The following DHRS4 variants were observed in gnomAD, a reference collection of about 807,000 sequenced individuals.
DHRS4 encodes dehydrogenase/reductase 4.
In DHRS4, 20 loss-of-function variants were observed where a neutral mutation model predicts 28.4. The ratio of observed to expected loss-of-function variants is 0.71; its 90% CI spans 0.50 to 1.02. The LOEUF (loss-of-function observed/expected upper bound fraction) is 1.02, where lower values mean the gene tolerates loss of function less well. Among genes scored for constraint, DHRS4 ranks in the 50% least tolerant of loss-of-function variants. The probability of loss-of-function intolerance (pLI) is 0.00; values close to 1 mark genes in which losing one functional copy is unlikely to be tolerated. For synonymous variants in DHRS4, 144 were observed against 146.4 expected, an observed-to-expected ratio of 0.98 and a Z score of 0.12; for missense variants, 378 against 367.2, an observed-to-expected ratio of 1.03 and a Z score of -0.24.
At chr14:23,960,034 G>C in intron 3 of DHRS4, 31 bp downstream of exon 3, 1 of 1,591,088 alleles carries the variant, frequency 6.3e-7, no homozygotes, top group Non-Finnish European at 8.6e-7. Context: ...GGGGGCCGGG[G>C]GGGGCGCCTT....
intron 7 of DHRS4, 40 bp from the exon 8 acceptor site, chr14:23,968,717 T>C (rs1157160387): frequency 2.5e-6 from 4 of 1,603,448 alleles, no homozygotes; most frequent in Non-Finnish European, 2.6e-6. Context: ...GGCAGAACTG[T>C]TTGATTTTTA....
intron 3 of DHRS4, among the ~76,000 whole-genome samples, chr14:23,963,527 C>G (rs1427082326): frequency 2.0e-5 from 3 of 148,870 alleles, no homozygotes; most frequent in African/African-American, 7.6e-5. Flanking sequence ...CTTCACCTCT[C>G]TCAGCCTTCA....
At chr14:23,967,473 G>T (rs778582155) in intron 7 of DHRS4, 1 of 952,176 alleles carries the variant, frequency 1.1e-6, no homozygotes, top group Admixed American at 2.1e-5. Flanking sequence ...CAGAGACATC[G>T]GGGTTTCAGC....
At chr14:23,958,459 CTTG>C (rs1265360664) in intron 2 of DHRS4, among the ~76,000 whole-genome samples, 1 of 152,124 alleles carries the variant, frequency 6.6e-6, no homozygotes, top group Non-Finnish European at 1.5e-5. Context: ...ACTGAAAACC[CTTG>C]TTGGCAGATT....
chr14:23,954,160 T>C (rs2032981008), intron 1 of DHRS4: 1 of 563,228 alleles, frequency 1.8e-6, no homozygotes, highest in Non-Finnish European at 3.1e-6. Context: ...TGCAGCCCTA[T>C]CGATCTAGTC....
At chr14:23,964,836 C>T (rs1305269747) in intron 3 of DHRS4, among the ~76,000 whole-genome samples, 27 of 147,998 alleles carry the variant, frequency 1.8e-4, no homozygotes, top group Non-Finnish European at 2.4e-4. Flanking sequence ...CTTGGCCTCC[C>T]GAAGTGCAGG....
In DHRS4 at chr14:23,965,785, C is replaced by T; in HGVS notation, c.432C>T (p.Ala144=). 6.2e-7 allele frequency: 1 copy of T among 1,605,384 alleles called. No individual in the cohort carries two copies. Among genetic ancestry groups the T allele is most frequent in the Non-Finnish European group, 8.5e-7 (1 of 1,175,148 alleles). ...WDKTLDINVK[A]PALMTKAVVP... is the part of the protein sequence containing the mutation. ...AGACTCTGGACATTAATGTGAAGGC[C>T]CCAGCCCTGATGACAAAGGCAGTGG... The change falls in exon 4 of 8, where the codon GCC becomes GCT. Residue 144 remains alanine (A), a synonymous_variant. Coordinates refer to ENST00000313250, the MANE Select transcript of DHRS4 (RefSeq NM_021004.4).
At chr14:23,955,837 A>G (rs936011965) in intron 2 of DHRS4, among the ~76,000 whole-genome samples, 8 of 152,196 alleles carry the variant, frequency 5.3e-5, no homozygotes, top group African/African-American at 1.9e-4. Context: ...GAAAGTATAT[A>G]AGTCGATGTC....
Position 23,955,153 on chromosome 14 carries a change from G to C in DHRS4, c.247G>C (p.Val83Leu). 4 of 1,613,924 alleles carry C rather than the reference G, an allele frequency of 2.5e-6. No homozygotes were observed. Among genetic ancestry groups the C allele is most frequent in the Middle Eastern group, 1.6e-4 (1 of 6,062 alleles). ...CACGCTGCAGGGGGAGGGGCTGAGC[G>C]TGACGGGCACCGTGTGCCATGTGGG... ...VATLQGEGLS[V>L]TGTVCHVGKA... Residue 83 changes from valine (V) to leucine (L), a missense_variant, in exon 2 of 8, where the codon GTG becomes CTG. Physicochemically the swap from Val to Leu is conservative, Grantham distance 32. Coordinates refer to ENST00000313250, the MANE Select transcript of DHRS4 (RefSeq NM_021004.4).
intron 5 of DHRS4, 124 bp from the exon 6 acceptor site, chr14:23,966,159 C>G: frequency 6.3e-7 from 1 of 1,578,550 alleles, no homozygotes; most frequent in Non-Finnish European, 8.6e-7. Flanking sequence ...AGCCACAAGA[C>G]AGTTCCCTAA....
intron 3 of DHRS4, among the ~76,000 whole-genome samples, chr14:23,964,816 A>G (rs947723980): frequency 6.8e-6 from 1 of 147,258 alleles, no homozygotes. Flanking sequence ...CCTAAAAGTG[A>G]TCCACCCATC....
intron 7 of DHRS4, among the ~76,000 whole-genome samples, chr14:23,968,423 CAT>C (rs1566479691): frequency 2.7e-5 from 4 of 150,630 alleles, no homozygotes; most frequent in Admixed American, 2.0e-4. Flanking sequence ...AGTGTGTGCA[CAT>C]GTGAAACCAT....
chr14:23,957,650 G>A (rs2033231212), intron 2 of DHRS4, among the ~76,000 whole-genome samples: 2 of 149,008 alleles, frequency 1.3e-5, no homozygotes, highest in Admixed American at 1.4e-4. Flanking sequence ...TCGAAGTCCT[G>A]AACTCAAGCA....
intron 3 of DHRS4, among the ~76,000 whole-genome samples, chr14:23,961,030 C>T (rs1470574040): frequency 2.3e-4 from 35 of 152,000 alleles, no homozygotes; most frequent in African/African-American, 6.3e-4. Flanking sequence ...AACTCACTCA[C>T]TGCCACAGGG....
At chr14:23,962,598 CT>C (rs1292427884) in intron 3 of DHRS4, among the ~76,000 whole-genome samples, 1 of 151,820 alleles carries the variant, frequency 6.6e-6, no homozygotes, top group Admixed American at 6.6e-5. Flanking sequence ...TTCTAGTTCT[CT>C]TGCTATTTCC....
rs775676497 is a variant in DHRS4 at position 23,968,839 on chromosome 14, G to A, written c.805G>A (p.Val269Met). 578 of 1,610,490 alleles carry A rather than the reference G, an allele frequency of 3.6e-4. 9 individuals are homozygous for A. The highest frequency in any genetic ancestry group is 6.7e-4 in the East Asian group (30 of 44,766). The part of the protein sequence containing the change: ...DASYITGETV[V>M]VGGGTPSRL The stretch of plus-strand genomic sequence containing the variant: ...CAGCTACATCACTGGGGAAACAGTG[G>A]TGGTGGGTGGAGGAACCCCGTCCCG... The change falls in exon 8 of 8, where the codon GTG becomes ATG. Residue 269 changes from valine (V) to methionine (M), a missense_variant. By Grantham distance (21) the Val-to-Met change is conservative. Transcript: ENST00000313250.
At position 23,955,053 on chromosome 14, in the gene DHRS4, C is replaced by A. The variant is rs1378678834; in HGVS notation, c.147C>A (p.Ala49=). The A allele has an allele frequency of 6.2e-7, 1 of 1,614,062 alleles. No individual in the cohort carries two copies. The highest frequency in any genetic ancestry group is 1.3e-5 in the African/African-American group (1 of 74,950). ...CTCACAGGATCGGCTTCGCCATCGCCCGGCGTTTGGCCCAGGACGGGGCCC... is the reference window on the plus strand; with the variant it reads ...CTCACAGGATCGGCTTCGCCATCGCACGGCGTTTGGCCCAGGACGGGGCCC... ...ASTDGIGFAI[A]RRLAQDGAHV... Residue 49 remains alanine, a synonymous_variant, in exon 2 of 8, where the codon GCC becomes GCA. Transcript: ENST00000313250.
intron 1 of DHRS4, among the ~76,000 whole-genome samples, chr14:23,954,527 T>TA (rs1260980562): frequency 1.3e-5 from 2 of 152,234 alleles, no homozygotes; most frequent in Non-Finnish European, 2.9e-5. Context: ...GGTAAAATGC[T>TA]AATAGCTGAC....
At chr14:23,961,132 A>T (rs868642382) in intron 3 of DHRS4, among the ~76,000 whole-genome samples, 1 of 151,580 alleles carries the variant, frequency 6.6e-6, no homozygotes, top group South Asian at 2.1e-4. Flanking sequence ...ACATTTCAAC[A>T]TGGGACTTAG....
Sources: gnomAD v4.1 joint callset for allele counts (sites outside exome capture counted in the v4.1 genomes callset) on GRCh38, gnomAD v4.1.1 for gene constraint, MANE v1.5 for transcripts, NCBI Gene and HGNC (gene_info 2026-07-23, HGNC 2026-07-21) for gene names.